SECISBP2: variants seen among roughly 807,000 people sequenced by gnomAD.
SECISBP2 encodes selenocysteine insertion sequence-binding protein 2.
A neutral mutation model predicts 98.2 loss-of-function variants in SECISBP2; 96 were observed. The ratio of observed to expected loss-of-function variants is 0.98; its 90% CI spans 0.83 to 1.16. The LOEUF is 1.16. Ranked by LOEUF, SECISBP2 falls within the 50% of genes most tolerant of loss-of-function variation. The pLI is 0.00. For synonymous variants in SECISBP2, 407 were observed against 370.2 expected (o/e 1.10, Z -1.14); for missense variants, 1,046 against 1,022.9 (o/e 1.02, Z -0.31).
At chr9:89,331,054 A>G (rs1025508074) in intron 5 of SECISBP2, among the ~76,000 whole-genome samples, 5 of 152,232 alleles carry the variant, frequency 3.3e-5, no homozygotes, top group Admixed American at 2.0e-4. Context: ...TCCTGATGAT[A>G]TTAGTAATGT....
At chr9:89,362,573 G>A, downstream of SECISBP2, 8 of 1,426,768 alleles carry the variant, frequency 5.6e-6, no homozygotes, top group Non-Finnish European at 7.8e-6. Context: ...GGAGTCTAAA[G>A]ATCCAAATGC....
At position 89,348,146 on chromosome 9, in the gene SECISBP2, C is replaced by G. The variant is rs753761129; in HGVS notation, c.1670C>G (p.Thr557Ser). 1.9e-6 allele frequency: 3 copies of G among 1,614,022 alleles called. No homozygotes were observed. Among genetic ancestry groups the G allele is most frequent in the South Asian group, 2.2e-5 (2 of 91,084 alleles). The change falls in exon 12 of 17, where the codon ACC (threonine) becomes AGC (serine). Residue 557 changes from threonine (T) to serine (S), a missense_variant. Transcript: ENST00000375807. ...LQENAVSPAF[T>S]SDDTQDGESG... ...GAAAATGCTGTGAGTCCAGCTTTTA[C>G]CAGTGATGACACACAAGATGGAGAG...
chr9:89,363,676 C>T (rs76395868), downstream of SECISBP2: 43,564 of 1,592,420 alleles, frequency 0.027, 691 homozygotes, highest in African/African-American at 0.041. Flanking sequence ...GTTTTTTTCA[C>T]TGCCATTGTA....
At chr9:89,365,927 G>C in the SECISBP2 span, among the ~76,000 whole-genome samples, 2 of 152,136 alleles carry the variant, frequency 1.3e-5, no homozygotes, top group Admixed American at 1.3e-4. Flanking sequence ...ATCTTTGTCC[G>C]GTCTCTTGGT....
chr9:89,361,418 G>A (rs1832753111), downstream of SECISBP2: 1 of 152,164 alleles, frequency 6.6e-6, no homozygotes, highest in Non-Finnish European at 1.5e-5. Context: ...TTTAACAGAG[G>A]CTTTGGTTTT....
At position 89,328,815 on chromosome 9, in the gene SECISBP2, C is replaced by T. The variant is rs1238651107; in HGVS notation, c.730C>T (p.Pro244Ser). Residue 244 changes from proline (P) to serine (S), a missense_variant, in exon 5 of 17, where the codon CCT (proline) becomes TCT (serine). Transcript: ENST00000375807. ...GATACAGAAGCAACCCAAGTGGGGA[C>T]CTGTCCACTCTGTCTCTACCGACAT... ...SEIQKQPKWG[P>S]VHSVSTDISL... 2.5e-6 allele frequency: 4 copies of T among 1,614,152 alleles called. No homozygotes were observed. In the East Asian group the frequency reaches 8.9e-5, roughly 36 times the overall value.
At chr9:89,338,957 A>G (rs984305084) in intron 8 of SECISBP2, among the ~76,000 whole-genome samples, 1 of 148,806 alleles carries the variant, frequency 6.7e-6, no homozygotes, top group Admixed American at 6.7e-5. Flanking sequence ...AAGTCTTATT[A>G]TAAAGTGCTT....
intron 4 of SECISBP2, among the ~76,000 whole-genome samples, chr9:89,326,853 G>C (rs1208507373): frequency 1.3e-5 from 2 of 152,164 alleles, no homozygotes; most frequent in African/African-American, 4.8e-5. Context: ...TAACATAGTG[G>C]TAAGTATTTG....
chr9:89,347,825 T>C (rs1830654734), intron 11 of SECISBP2, among the ~76,000 whole-genome samples: 1 of 152,194 alleles, frequency 6.6e-6, no homozygotes, highest in South Asian at 2.1e-4. Context: ...AGGCAAGTGC[T>C]GAGCTGCAGA....
Position 89,318,575 on chromosome 9 carries a change from G to A in SECISBP2, c.-2G>A. 1 of 1,500,756 alleles carries A rather than the reference G, an allele frequency of 6.7e-7. No homozygotes were observed. Among genetic ancestry groups the A allele is most frequent in the Non-Finnish European group, 8.8e-7 (1 of 1,130,894 alleles). 93.0% of individuals were successfully genotyped at this position (1,500,756 alleles called of 1,614,324 possible). A position where few individuals can be genotyped will look rare whatever the true frequency, so the allele number is the denominator to read the frequency against. On this transcript the variant is annotated 5_prime_UTR_variant, in exon 1 of 17. Coordinates refer to ENST00000375807, the MANE Select transcript of SECISBP2 (RefSeq NM_024077.5). ...GACGCGGCCTCCTCCGCGCCTCGCG[G>A]CATGGCGTCGGAGGGGCCGCGGGAG...
intron 9 of SECISBP2, 85 bp from the exon 10 acceptor site, chr9:89,341,262 T>C: frequency 7.5e-7 from 1 of 1,334,184 alleles, no homozygotes; most frequent in Admixed American, 2.2e-5. Context: ...ATCTTTTTCA[T>C]TTTATCTTTA....
At chr9:89,351,739 T>G (rs1831311832) in intron 14 of SECISBP2, among the ~76,000 whole-genome samples, 1 of 152,208 alleles carries the variant, frequency 6.6e-6, no homozygotes, top group Admixed American at 6.5e-5. Flanking sequence ...GTCCCTGTCC[T>G]AACTTGGTAC....
chr9:89,330,704 C>T (rs1183687340), intron 5 of SECISBP2, among the ~76,000 whole-genome samples: 1 of 152,178 alleles, frequency 6.6e-6, no homozygotes. Context: ...ATCTAAAAAT[C>T]ATAGTTCCAT....
At chr9:89,352,145 T>C (rs1588003085) in intron 14 of SECISBP2, among the ~76,000 whole-genome samples, 2 of 152,320 alleles carry the variant, frequency 1.3e-5, no homozygotes, top group African/African-American at 4.8e-5. Context: ...GTTATTGTTC[T>C]TGTTTTGTGG....
downstream of SECISBP2, chr9:89,363,940 GTC>G: frequency 6.2e-7 from 1 of 1,614,088 alleles, no homozygotes; most frequent in Non-Finnish European, 8.5e-7. Context: ...CAAAGCGAAT[GTC>G]TGCAGGACCT....
chr9:89,333,042 A>AT, intron 6 of SECISBP2, 56 bp downstream of exon 6: 1 of 1,427,028 alleles, frequency 7.0e-7, no homozygotes, highest in Admixed American at 1.7e-5. Context: ...TTTTAAGTTC[A>AT]TTTTTAACTC....
chr9:89,319,795 A>C lies in SECISBP2; in HGVS notation c.180A>C (p.Thr60=). The change falls in exon 2 of 17, where the codon ACA becomes ACC. Residue 60 remains threonine (T), a splice_region_variant and synonymous_variant. Transcript: ENST00000375807. ...CGTTTGTTCAGGAACCACCAGTGAC[A>C]GAGTATGTATCTTTCTAAAAGTCTT... ...YYPFVQEPPV[T]EQKIYTEDMA... 2 of 1,614,040 alleles carry C rather than the reference A, an allele frequency of 1.2e-6. No individual in the cohort carries two copies. Among genetic ancestry groups the C allele is most frequent in the Non-Finnish European group, 1.7e-6 (2 of 1,179,904 alleles).
downstream of SECISBP2, chr9:89,361,086 GT>G (rs1033156686): frequency 1.3e-4 from 20 of 152,170 alleles, no homozygotes; most frequent in Admixed American, 1.1e-3. Flanking sequence ...AAAACTTCAG[GT>G]TATGAGTATG....
chr9:89,362,261 C>G, downstream of SECISBP2: 2 of 1,442,064 alleles, frequency 1.4e-6, no homozygotes, highest in Non-Finnish European at 1.9e-6. Context: ...CAGGTGGTGG[C>G]CCAATGGCTG....
Sources: gnomAD v4.1 joint callset for allele counts (sites outside exome capture counted in the v4.1 genomes callset) on GRCh38, gnomAD v4.1.1 for gene constraint, MANE v1.5 for transcripts, NCBI Gene and HGNC (gene_info 2026-07-23, HGNC 2026-07-21) for gene names.